CABIN1: variants seen among roughly 807,000 people sequenced by gnomAD.
The protein encoded by CABIN1 is calcineurin-binding protein cabin-1.
In CABIN1, 133 loss-of-function variants were observed where a neutral mutation model predicts 227.7. The observed-to-expected ratio is 0.58, with a 90% CI of 0.51 to 0.67. The LOEUF (loss-of-function observed/expected upper bound fraction) is 0.67. Ranked by LOEUF, CABIN1 falls within the 30% of genes least tolerant of loss-of-function variation. The pLI, the probability that CABIN1 is intolerant of heterozygous loss-of-function variation, is 0.00. For synonymous variants in CABIN1, 1,086 were observed against 1,155.1 expected (o/e 0.94, Z 1.21); for missense variants, 2,408 against 2,852.5 (o/e 0.84, Z 3.55).
chr22:24,049,067 A>G (rs1356421080), intron 6 of CABIN1, 24 bp from the exon 7 acceptor site: 1 of 1,613,308 alleles, frequency 6.2e-7, no homozygotes, highest in Admixed American at 1.7e-5. Flanking sequence ...CTCAGAAGTC[A>G]TAAACTGTCT....
rs573143220 is a variant in CABIN1, at chr22:24,018,274, AT to A, written c.-75+6916del. Reference sequence around the variant, plus strand: ...TTTAATTTTTTTTCTGAGTTTTTAAATTTTTTTTTGTCATGCAAAAATTTTT... The same window carrying A: ...TTTAATTTTTTTTCTGAGTTTTTAAATTTTTTTTGTCATGCAAAAATTTTT... On this transcript the variant is annotated intron_variant, in intron 1 of 36. Transcript: ENST00000263119. Among the ~76,000 whole-genome samples the A allele has an allele frequency of 5.9e-5, 9 of 151,262 alleles. No individual in the cohort carries two copies. In the East Asian group the frequency reaches 1.2e-3, roughly 20 times the overall value.
intron 29 of CABIN1, among the ~76,000 whole-genome samples, chr22:24,145,866 G>A (rs542354311): frequency 9.2e-5 from 14 of 152,364 alleles, no homozygotes; most frequent in African/African-American, 3.4e-4. Context: ...GTTTTCAGAA[G>A]AAATTGGGAT....
rs556220690 is a variant in CABIN1 at position 24,102,043 on chromosome 22, C to A, written c.4117+3851C>A. Among the ~76,000 whole-genome samples, 7 of 152,288 alleles carry A rather than the reference C, an allele frequency of 4.6e-5. No individual in the cohort carries two copies. In the East Asian group the frequency reaches 1.4e-3, roughly 29 times the overall value. On this transcript the variant is annotated intron_variant, in intron 26 of 36. Transcript: ENST00000263119. Reference sequence around the variant, plus strand: ...CCCCAAGAGGAACCTGAGCTGAGGGCAGGTAGGCACTCATCCAAAACTGCC... The same window carrying A: ...CCCCAAGAGGAACCTGAGCTGAGGGAAGGTAGGCACTCATCCAAAACTGCC...
Position 24,167,211 on chromosome 22 carries a change from G to T in CABIN1, c.5580G>T (p.Leu1860=). ...LEDTESGKTL[L]LDAYRVWQQG... ...ACACAGAGTCAGGCAAGACACTTCT[G>T]TTGGATGCCTACCGTGTGTGGCAGC... The change falls in exon 32 of 37, where the codon CTG becomes CTT. Residue 1860 remains leucine, a synonymous_variant. Coordinates refer to ENST00000263119, the MANE Select transcript of CABIN1 (RefSeq NM_012295.4). The T allele has an allele frequency of 6.2e-7, 1 of 1,612,906 alleles. No homozygotes were observed. The highest frequency in any genetic ancestry group is 8.5e-7 in the Non-Finnish European group (1 of 1,179,942).
chr22:24,166,318 C>G (rs1033462396), intron 31 of CABIN1, among the ~76,000 whole-genome samples: 2 of 152,238 alleles, frequency 1.3e-5, no homozygotes, highest in African/African-American at 2.4e-5. Context: ...CAAAGGGGAG[C>G]TGGGCAATGC....
chr22:24,104,924 C>T (rs1430896048), intron 26 of CABIN1, among the ~76,000 whole-genome samples: 1 of 152,206 alleles, frequency 6.6e-6, no homozygotes, highest in Non-Finnish European at 1.5e-5. Flanking sequence ...CTTCCTCAGG[C>T]TTTCACTGCC....
rs532338041 is a variant in CABIN1, at chr22:24,171,894, C to T, written c.5939C>T (p.Pro1980Leu). ...GCCGCCACAACTATTATCACCTGCCCTCCGTCAGCATCAGCTTCCACCCTG... is the reference window on the plus strand; with the variant it reads ...GCCGCCACAACTATTATCACCTGCCTTCCGTCAGCATCAGCTTCCACCCTG... Reference protein sequence around the residue: ...LAAATTIITCPPSASASTLDQ... With the variant: ...LAAATTIITCLPSASASTLDQ... The change falls in exon 34 of 37, where the codon CCT becomes CTT. Residue 1980 changes from proline to leucine, a missense_variant. This residue lies in a region of CABIN1 where 714 missense variants were observed against 773.8 expected (regional missense o/e 0.92). Coordinates refer to ENST00000263119, the MANE Select transcript of CABIN1 (RefSeq NM_012295.4). 17 of 1,614,104 alleles carry T rather than the reference C, an allele frequency of 1.1e-5. No individual in the cohort carries two copies. In the South Asian group the frequency reaches 1.2e-4, roughly 11 times the overall value.
rs1297740031 is a variant in CABIN1, at chr22:24,166,021, GAGCAC to G, written c.5007+396_5007+400del. Among the ~76,000 whole-genome samples, 9 of 152,312 alleles carry G rather than the reference GAGCAC, an allele frequency of 5.9e-5. No individual in the cohort carries two copies. In the East Asian group the frequency reaches 1.7e-3, roughly 29 times the overall value. ...GCAGCAGTACCTCCTTCTCACAGCT[GAGCAC>G]CTGGAGGAGGCCAGGGAGGTTAAGC... On this transcript the variant is annotated intron_variant, in intron 31 of 36. Coordinates refer to ENST00000263119, the MANE Select transcript of CABIN1 (RefSeq NM_012295.4).
At chr22:24,131,228 TCTC>T (rs146661555) in intron 28 of CABIN1, among the ~76,000 whole-genome samples, 7,830 of 152,246 alleles carry the variant, frequency 0.051, 290 homozygotes, top group South Asian at 0.11. Flanking sequence ...GGGTCTCACA[TCTC>T]CTCCTGCTGG....
intron 26 of CABIN1, among the ~76,000 whole-genome samples, chr22:24,108,668 G>C (rs778987743): frequency 3.9e-4 from 60 of 152,160 alleles, no homozygotes; most frequent in Non-Finnish European, 7.3e-4. Flanking sequence ...TGCCTACAAG[G>C]TCACTGTCCC....
chr22:24,049,086 G>T lies in CABIN1; in HGVS notation c.527-5G>T. ...GAAGTCATAAACTGTCTCTTTCCCC[G>T]CCAGCATGTCTGTACTTCATCTGCA... On this transcript the variant is annotated splice_polypyrimidine_tract_variant and splice_region_variant and intron_variant, in intron 6 of 36. Transcript: ENST00000263119. 1.9e-6 allele frequency: 3 copies of T among 1,613,636 alleles called. No individual in the cohort carries two copies. The highest frequency in any genetic ancestry group is 1.6e-4 in the Middle Eastern group (1 of 6,062).
At chr22:24,114,600 A>G (rs2042984398) in intron 27 of CABIN1, among the ~76,000 whole-genome samples, 1 of 152,144 alleles carries the variant, frequency 6.6e-6, no homozygotes, top group African/African-American at 2.4e-5. Flanking sequence ...ACCCTTAACC[A>G]TTACCCCACG....
intron 23 of CABIN1, among the ~76,000 whole-genome samples, chr22:24,088,437 A>G (rs1378122385): frequency 6.6e-6 from 1 of 152,060 alleles, no homozygotes; most frequent in Non-Finnish European, 1.5e-5. Context: ...GTGAAACCCC[A>G]TCTCTACTAA....
chr22:24,061,722 C>T (rs1299156334), intron 12 of CABIN1, among the ~76,000 whole-genome samples: 3 of 152,240 alleles, frequency 2.0e-5, no homozygotes, highest in African/African-American at 4.8e-5. Flanking sequence ...CTCTGAAGAC[C>T]GGTCTCCTGG....
intron 1 of CABIN1, among the ~76,000 whole-genome samples, chr22:24,015,288 A>C (rs902168744): frequency 3.8e-4 from 58 of 151,158 alleles, no homozygotes; most frequent in Non-Finnish European, 7.7e-4. Context: ...AAAAAAAAAA[A>C]AAAAAAGAAT....
chr22:24,076,487 A>C (rs2040453378), intron 19 of CABIN1, among the ~76,000 whole-genome samples: 1 of 152,176 alleles, frequency 6.6e-6, no homozygotes, highest in African/African-American at 2.4e-5. Context: ...CTTTCTTGCC[A>C]GAAAGTTCCC....
At chr22:24,101,741 AC>A (rs2042212678) in intron 26 of CABIN1, 1 of 152,218 alleles carries the variant, frequency 6.6e-6, no homozygotes, top group African/African-American at 2.4e-5. Flanking sequence ...AAACGAGGTG[AC>A]CCGAGGAGCA....
chr22:24,177,419 C>G lies in CABIN1; in HGVS notation c.6206-85C>G, dbSNP rs796958299. 8.5e-5 allele frequency: 103 copies of G among 1,215,376 alleles called. No individual in the cohort carries two copies. The highest frequency in any genetic ancestry group is 4.6e-5 in the Non-Finnish European group (40 of 875,024). 75.3% of individuals were successfully genotyped at this position (1,215,376 alleles called of 1,614,324 possible). ...ACTACACAGCATAAAGGCCCAGGAC[C>G]TGGGGGGAGCGGGTGGGGGCGAGAT... is the stretch of plus-strand genomic sequence containing the variant. On this transcript the variant is annotated intron_variant, in intron 35 of 36. Transcript: ENST00000263119. This position sits in a 1 kb window ranked among gnomAD's most constrained non-coding sequence, Gnocchi z 4.4.
At chr22:24,029,078 C>T (rs1261942126) in intron 1 of CABIN1, among the ~76,000 whole-genome samples, 1 of 152,116 alleles carries the variant, frequency 6.6e-6, no homozygotes, top group Non-Finnish European at 1.5e-5. Flanking sequence ...AACTCAAGGC[C>T]AGGTACGGTG....
Sources: allele counts gnomAD v4.1 joint callset (sites outside exome capture counted in the v4.1 genomes callset), GRCh38; gene constraint gnomAD v4.1.1; regional missense constraint gnomAD v4.1.1; non-coding constraint Gnocchi (gnomAD v3.1); transcripts MANE v1.5; gene names NCBI Gene and HGNC (gene_info 2026-07-23, HGNC 2026-07-21).